Variants in DNAAF4 observed in about 807,000 individuals in gnomAD.
DNAAF4 encodes dynein assembly factor 4, axonemal.
Under a neutral mutation model 51.8 loss-of-function variants are expected in DNAAF4, and 43 were observed. The ratio of observed to expected loss-of-function variants is 0.83; its 90% CI spans 0.65 to 1.07. The LOEUF is 1.07. Among genes scored for constraint, DNAAF4 ranks in the 50% least tolerant of loss-of-function variants. The pLI is 0.00. For missense variants in DNAAF4, 581 were observed against 493.0 expected, an observed-to-expected ratio of 1.18 and a Z score of -1.69; for synonymous variants, 194 against 165.6, an observed-to-expected ratio of 1.17 and a Z score of -1.32.
intron 4 of DNAAF4, among the ~76,000 whole-genome samples, chr15:55,475,836 G>C (rs2141539626): frequency 6.6e-6 from 1 of 152,232 alleles, no homozygotes; most frequent in South Asian, 2.1e-4. Context: ...GGCTTGGTTG[G>C]GAATAAAGAG....
rs1289078981 is a variant in DNAAF4 at position 55,497,704 on chromosome 15, G to A, written c.271+8C>T. 1.3e-6 allele frequency: 2 copies of A among 1,594,720 alleles called. No individual in the cohort carries two copies. Among genetic ancestry groups the A allele is most frequent in the East Asian group, 2.2e-5 (1 of 44,708 alleles). Reference sequence around the variant, plus strand: ...AACCAGATGAACATCTTTTAATAAAGAACTTACCACCCGTCACAGAAAGGG... The same window carrying A: ...AACCAGATGAACATCTTTTAATAAAAAACTTACCACCCGTCACAGAAAGGG... On this transcript the variant is annotated splice_region_variant and intron_variant, in intron 3 of 9. Coordinates refer to ENST00000321149, the MANE Select transcript of DNAAF4 (RefSeq NM_130810.4).
chr15:55,489,875 G>GT (rs869277272), intron 4 of DNAAF4, among the ~76,000 whole-genome samples: 5,699 of 137,732 alleles, frequency 0.041, 369 homozygotes, highest in African/African-American at 0.14. Flanking sequence ...GAGATAAGAA[G>GT]TTTTTTTTTT....
chr15:55,450,675 A>C (rs1340355552), intron 5 of DNAAF4, among the ~76,000 whole-genome samples: 1 of 152,196 alleles, frequency 6.6e-6, no homozygotes, highest in Non-Finnish European at 1.5e-5. Context: ...AAGGGCACAT[A>C]GGCAAAACCA....
chr15:55,461,214 G>GC (rs2058090199), intron 5 of DNAAF4, among the ~76,000 whole-genome samples: 2 of 151,914 alleles, frequency 1.3e-5, no homozygotes, highest in Admixed American at 1.3e-4. Flanking sequence ...GACTACAGGT[G>GC]CCCCCCACCA....
intron 3 of DNAAF4, chr15:55,495,149 G>C (rs2058623321): frequency 7.0e-6 from 1 of 143,368 alleles, no homozygotes; most frequent in Non-Finnish European, 1.5e-5. Flanking sequence ...GGAAGTAAGA[G>C]GTCAAAAAAC....
At chr15:55,502,494 C>T (rs973188588) in intron 1 of DNAAF4, among the ~76,000 whole-genome samples, 1 of 152,064 alleles carries the variant, frequency 6.6e-6, no homozygotes, top group Non-Finnish European at 1.5e-5. Flanking sequence ...TCTTCATGTC[C>T]TTAAGAAGGT....
chr15:55,450,451 G>T, intron 5 of DNAAF4, 84 bp from the exon 6 acceptor site: 1 of 1,396,174 alleles, frequency 7.2e-7, no homozygotes, highest in Non-Finnish European at 9.8e-7. Flanking sequence ...ACACATCAAA[G>T]CTCACCCCCA....
At chr15:55,492,613 C>T (rs2058590023) in intron 3 of DNAAF4, among the ~76,000 whole-genome samples, 1 of 151,710 alleles carries the variant, frequency 6.6e-6, no homozygotes, top group African/African-American at 2.4e-5. Context: ...GATCTCAGCT[C>T]ACTGCAACCC....
chr15:55,435,239 T>G (rs1208984358), intron 7 of DNAAF4, among the ~76,000 whole-genome samples, 181 bp from the exon 8 acceptor site: 1 of 151,964 alleles, frequency 6.6e-6, no homozygotes, highest in African/African-American at 2.4e-5. Context: ...TTGAATGGAA[T>G]GGACCTCACT....
intron 4 of DNAAF4, among the ~76,000 whole-genome samples, chr15:55,472,045 G>T (rs1336674156): frequency 6.6e-6 from 1 of 150,660 alleles, no homozygotes; most frequent in East Asian, 2.0e-4. Context: ...TCATCATGTT[G>T]GCCAGGCTGG....
Position 55,432,584 on chromosome 15 carries a change from G to C in DNAAF4, c.1066C>G (p.Pro356Ala). The change falls in exon 9 of 10, where the codon CCA becomes GCA. Residue 356 changes from proline to alanine, a missense_variant. Physicochemically the swap from Pro to Ala is conservative, Grantham distance 27. Transcript: ENST00000321149. ...DSSKALELLMPPVTDNANARM... is the reference protein window; with the variant it reads ...DSSKALELLMAPVTDNANARM... ...GCATTAGCATTGTCTGTAACAGGTG[G>C]CATCAATAATTCCAGTGCCTTACAA... 1 of 1,611,254 alleles carries C rather than the reference G, an allele frequency of 6.2e-7. No homozygotes were observed.
In DNAAF4 at chr15:55,452,702, C is replaced by T. The variant is rs12591544; in HGVS notation, c.638-2335G>A. Reference sequence around the variant, plus strand: ...ATAAAAAATAAATAAACAAAAGGTTCAATATATAGTTCAGTTTCAAAAGTA... The same window carrying T: ...ATAAAAAATAAATAAACAAAAGGTTTAATATATAGTTCAGTTTCAAAAGTA... On this transcript the variant is annotated intron_variant, in intron 5 of 9. Transcript: ENST00000321149. 1.6e-4 allele frequency among the ~76,000 whole-genome samples: 24 copies of T among 152,190 alleles called. No individual in the cohort carries two copies. The East Asian group carries it at 4.4e-3, about 28-fold the overall frequency.
intron 5 of DNAAF4, among the ~76,000 whole-genome samples, chr15:55,458,675 C>T (rs1450092085): frequency 6.6e-6 from 1 of 152,116 alleles, no homozygotes; most frequent in Non-Finnish European, 1.5e-5. Flanking sequence ...CATCCAAATA[C>T]AAGAAGCTCA....
At chr15:55,471,791 G>C (rs1469100125) in intron 4 of DNAAF4, among the ~76,000 whole-genome samples, 5 of 152,048 alleles carry the variant, frequency 3.3e-5, no homozygotes, top group African/African-American at 1.2e-4. Flanking sequence ...GGGATTACAG[G>C]CGTGAGCCAC....
At chr15:55,499,364 G>A (rs1212212932) in intron 1 of DNAAF4, among the ~76,000 whole-genome samples, 7 of 152,106 alleles carry the variant, frequency 4.6e-5, no homozygotes, top group Non-Finnish European at 8.8e-5. Flanking sequence ...AGAACTAAGT[G>A]CGGTTCAATC....
intron 5 of DNAAF4, among the ~76,000 whole-genome samples, chr15:55,450,860 G>C (rs1257803771): frequency 6.6e-6 from 1 of 152,202 alleles, no homozygotes; most frequent in Non-Finnish European, 1.5e-5. Context: ...CACTTTGGGA[G>C]GCCAAGGCGG....
chr15:55,476,153 T>C (rs188197310), intron 4 of DNAAF4, among the ~76,000 whole-genome samples: 5 of 152,176 alleles, frequency 3.3e-5, no homozygotes, highest in South Asian at 2.1e-4. Context: ...AGACCTGCTC[T>C]ATAAGATACA....
chr15:55,504,039 C>A (rs1397856739), intron 1 of DNAAF4, among the ~76,000 whole-genome samples: 1 of 152,050 alleles, frequency 6.6e-6, no homozygotes, highest in Non-Finnish European at 1.5e-5. Flanking sequence ...TAGCCTCAGC[C>A]CAAAATCTCC....
intron 6 of DNAAF4, among the ~76,000 whole-genome samples, chr15:55,446,300 G>GT (rs747200661): frequency 0.024 from 2,537 of 104,450 alleles, 465 homozygotes; most frequent in African/African-American, 0.029. Context: ...CCCAGACGGG[G>GT]GGGGGGGGCA....
Sources: gnomAD v4.1 joint callset for allele counts (sites outside exome capture counted in the v4.1 genomes callset) on GRCh38, gnomAD v4.1.1 for gene constraint, MANE v1.5 for transcripts, NCBI Gene and HGNC (gene_info 2026-07-23, HGNC 2026-07-21) for gene names.